SLC5A11: variants seen among roughly 807,000 people sequenced by gnomAD.
The protein encoded by SLC5A11 is solute carrier family 5 member 11, also known as sodium/myo-inositol cotransporter 2.
A neutral mutation model predicts 69.8 loss-of-function variants in SLC5A11; 48 were observed. The observed-to-expected ratio is 0.69, with a 90% CI of 0.55 to 0.87. The LOEUF (loss-of-function observed/expected upper bound fraction) is 0.87, where lower values mean the gene tolerates loss of function less well. SLC5A11 is among the 40% of genes least tolerant of loss of function. The probability of loss-of-function intolerance (pLI) is 0.00; values close to 1 mark genes in which losing one functional copy is unlikely to be tolerated. For missense variants in SLC5A11, 784 were observed against 866.1 expected (o/e 0.91, Z 1.19); for synonymous variants, 319 against 342.4 (o/e 0.93, Z 0.75).
At chr16:24,903,240 A>G (rs1414185713) in intron 10 of SLC5A11, among the ~76,000 whole-genome samples, 2 of 151,816 alleles carry the variant, frequency 1.3e-5, no homozygotes, top group Admixed American at 1.3e-4. Context: ...TACAAATTGT[A>G]CATACTTATA....
chr16:24,877,392 CAG>C, intron 7 of SLC5A11, 29 bp downstream of exon 8: 1 of 1,570,056 alleles, frequency 6.4e-7, no homozygotes, highest in Non-Finnish European at 8.8e-7. Flanking sequence ...TAACACCTAG[CAG>C]AGGCAGTGGG....
chr16:24,906,550 T>C (rs2050074319), intron 10 of SLC5A11, 107 bp from the exon 12 acceptor site: 1 of 570,552 alleles, frequency 1.8e-6, no homozygotes, highest in Non-Finnish European at 3.0e-6. Context: ...TTTATTTCAT[T>C]GAGCTATAAA....
At chr16:24,882,697 G>A (rs1041834463) in intron 7 of SLC5A11, among the ~76,000 whole-genome samples, 7 of 152,154 alleles carry the variant, frequency 4.6e-5, no homozygotes, top group South Asian at 2.1e-4. Flanking sequence ...CCAGGCTGGC[G>A]TGCAGTGGCA....
At chr16:24,911,619 T>A in exon 16 of SLC5A11, 1 of 1,334,982 alleles carries the variant, frequency 7.5e-7, no homozygotes, top group South Asian at 1.3e-5. Context: ...AGCTTTTGTT[T>A]ACCACAAGGC....
At chr16:24,885,656 C>CAAAAAAAAAAA (rs748412604) in intron 8 of SLC5A11, among the ~76,000 whole-genome samples, 1 of 65,928 alleles carries the variant, frequency 1.5e-5, no homozygotes, top group African/African-American at 6.4e-5. Flanking sequence ...GACCCTGTCT[C>CAAAAAAAAAAA]AAAAAAAAAA....
At chr16:24,858,775 A>G (rs144778631) in exon 2 of SLC5A11, 1 of 1,610,956 alleles carries the variant, frequency 6.2e-7, no homozygotes, top group Non-Finnish European at 8.5e-7. Context: ...CTGTTGGACT[A>G]TGGGTAAGCC....
intron 7 of SLC5A11, among the ~76,000 whole-genome samples, chr16:24,879,848 A>G (rs935247014): frequency 6.6e-6 from 1 of 152,116 alleles, no homozygotes; most frequent in African/African-American, 2.4e-5. Flanking sequence ...AAAGGTTATG[A>G]TTTTGTCCTT....
chr16:24,898,557 C>T (rs987285145), intron 10 of SLC5A11, among the ~76,000 whole-genome samples: 38 of 146,196 alleles, frequency 2.6e-4, no homozygotes, highest in Non-Finnish European at 4.8e-4. Flanking sequence ...CTTGCACTGT[C>T]GCCCAGGCTG....
At chr16:24,856,341 T>G (rs902368747) in intron 1 of SLC5A11, among the ~76,000 whole-genome samples, 2 of 152,050 alleles carry the variant, frequency 1.3e-5, no homozygotes, top group African/African-American at 4.8e-5. Flanking sequence ...TTTTCTTACT[T>G]TAAAAATGTA....
chr16:24,901,957 C>T (rs753177262), intron 10 of SLC5A11, among the ~76,000 whole-genome samples: 12 of 80,772 alleles, frequency 1.5e-4, no homozygotes, highest in East Asian at 1.3e-3. Context: ...CACACACACA[C>T]GCACACACAC....
chr16:24,850,066 T>C lies in SLC5A11; in HGVS notation c.-25+3628T>C, dbSNP rs1326322328. On this transcript the variant is annotated intron_variant, in intron 1 of 15. Transcript: ENST00000347898. ...AATCCTTCTGCCTCAGCCTCCCAAA[T>C]AGCCAGGCCCACAGACACACAGCAC... Among the ~76,000 whole-genome samples, 6 of 151,972 alleles carry C rather than the reference T, an allele frequency of 3.9e-5. No individual in the cohort carries two copies. In the East Asian group the frequency reaches 1.2e-3, roughly 29 times the overall value.
At chr16:24,872,012 A>C in intron 4 of SLC5A11, 148 bp from the exon 6 acceptor site, 1 of 857,150 alleles carries the variant, frequency 1.2e-6, no homozygotes, top group South Asian at 1.6e-5. Flanking sequence ...AGGAAATTTG[A>C]AGGCCAGCAC....
At chr16:24,851,528 G>C (rs2059306869) in intron 1 of SLC5A11, among the ~76,000 whole-genome samples, 1 of 151,966 alleles carries the variant, frequency 6.6e-6, no homozygotes, top group Non-Finnish European at 1.5e-5. Context: ...CTGGGGGACA[G>C]AGTGAGACTT....
intron 7 of SLC5A11, among the ~76,000 whole-genome samples, chr16:24,882,709 G>A (rs906973784): frequency 3.9e-5 from 6 of 152,158 alleles, no homozygotes; most frequent in South Asian, 2.1e-4. Flanking sequence ...GCAGTGGCAC[G>A]ATCTTGGCTC....
intron 7 of SLC5A11, 104 bp from the exon 9 acceptor site, chr16:24,883,947 A>G (rs1189617459): frequency 4.9e-6 from 5 of 1,020,006 alleles, no homozygotes; most frequent in Non-Finnish European, 7.5e-6. Context: ...GTCAGCACTA[A>G]GAAATCTCCC....
exon 1 of SLC5A11, chr16:24,846,084 G>A (rs2058998983): frequency 6.6e-6 from 1 of 152,468 alleles, no homozygotes; most frequent in Admixed American, 6.5e-5. Context: ...TCCCCACGCA[G>A]GTGAGGACCC....
intron 7 of SLC5A11, among the ~76,000 whole-genome samples, chr16:24,882,330 C>G (rs1286209748): frequency 6.6e-6 from 1 of 152,170 alleles, no homozygotes; most frequent in East Asian, 1.9e-4. Flanking sequence ...CAGGATCTCA[C>G]CACACTCAGG....
exon 12 of SLC5A11, chr16:24,907,134 C>G: frequency 1.2e-6 from 2 of 1,614,126 alleles, no homozygotes; most frequent in Non-Finnish European, 1.7e-6. Flanking sequence ...GGAATCACCT[C>G]CGGCCTCGGG....
At chr16:24,854,523 G>A (rs1329869970) in intron 1 of SLC5A11, among the ~76,000 whole-genome samples, 2 of 151,868 alleles carry the variant, frequency 1.3e-5, no homozygotes, top group Admixed American at 6.6e-5. Context: ...TCCGCCTCCC[G>A]GGTTCAAGCG....
Sources: gnomAD v4.1 joint callset for allele counts (sites outside exome capture counted in the v4.1 genomes callset) on GRCh38, gnomAD v4.1.1 for gene constraint, MANE v1.5 for transcripts, NCBI Gene and HGNC (gene_info 2026-07-23, HGNC 2026-07-21) for gene names.